Variants in KLF12 observed in about 807,000 individuals in gnomAD.
KLF12 encodes KLF transcription factor 12.
A neutral mutation model predicts 37.8 loss-of-function variants in KLF12; 9 were observed. The ratio of observed to expected loss-of-function variants is 0.24; its 90% CI spans 0.14 to 0.42. The LOEUF (loss-of-function observed/expected upper bound fraction) is 0.42, where lower values mean the gene tolerates loss of function less well. Ranked by LOEUF, KLF12 falls within the 10% of genes least tolerant of loss-of-function variation. KLF12 has a pLI of 1.00. For missense variants in KLF12, 411 were observed against 516.0 expected (o/e 0.80, Z 1.97); for synonymous variants, 208 against 202.1 (o/e 1.03, Z -0.25).
At chr13:74,223,005 A>G in the KLF12 span, among the ~76,000 whole-genome samples, 1 of 152,204 alleles carries the variant, frequency 6.6e-6, no homozygotes, top group Admixed American at 6.5e-5. Flanking sequence ...TGTTGATTTA[A>G]AAAACAAAGT....
chr13:74,120,615 A>G (rs965679130), intron 1 of KLF12, among the ~76,000 whole-genome samples: 2 of 152,126 alleles, frequency 1.3e-5, no homozygotes, highest in Admixed American at 1.3e-4. Context: ...ATGAGCAAGA[A>G]TTTTAAAACA....
chr13:74,121,727 G>A (rs905562683), intron 1 of KLF12, among the ~76,000 whole-genome samples: 1 of 151,880 alleles, frequency 6.6e-6, no homozygotes, highest in Admixed American at 6.6e-5. Flanking sequence ...TCCCAGGAGA[G>A]GTGTGATGAT....
At chr13:74,088,793 T>C (rs1218862790) in intron 1 of KLF12, among the ~76,000 whole-genome samples, 1 of 152,238 alleles carries the variant, frequency 6.6e-6, no homozygotes, top group African/African-American at 2.4e-5. Context: ...TTTACAGGGC[T>C]TTCATGATGA....
At chr13:73,712,200 T>C (rs1875453138) in intron 7 of KLF12, among the ~76,000 whole-genome samples, 1 of 151,820 alleles carries the variant, frequency 6.6e-6, no homozygotes. Context: ...TAGCCAGGCA[T>C]GGTGGCACAT....
intron 3 of KLF12, among the ~76,000 whole-genome samples, chr13:73,886,067 CA>C (rs757610953): frequency 6.6e-6 from 1 of 152,036 alleles, no homozygotes; most frequent in East Asian, 1.9e-4. Context: ...AGGTCAGAAT[CA>C]AGGGACATGA....
chr13:74,089,803 G>GAAAAAA (rs35244601), intron 1 of KLF12, among the ~76,000 whole-genome samples: 1 of 117,782 alleles, frequency 8.5e-6, no homozygotes, highest in African/African-American at 3.3e-5. Flanking sequence ...CATGCAGGGG[G>GAAAAAA]AAAAAAAAAA....
chr13:74,250,769 A>T, the KLF12 span, among the ~76,000 whole-genome samples: 1 of 152,140 alleles, frequency 6.6e-6, no homozygotes, highest in African/African-American at 2.4e-5. Context: ...ATAAAAATGA[A>T]CTCAGCATTG....
At chr13:73,903,868 T>C (rs1036537096) in intron 3 of KLF12, among the ~76,000 whole-genome samples, 1 of 152,252 alleles carries the variant, frequency 6.6e-6, no homozygotes, top group South Asian at 2.1e-4. Context: ...GTGAGGGATC[T>C]AGGTTGCATG....
In KLF12 at chr13:73,744,393, T is replaced by C. The variant is rs571677220; in HGVS notation, c.869+20545A>G. On this transcript the variant is annotated intron_variant, in intron 6 of 7. Transcript: ENST00000377669. ...TGGTTGTGAATTTCTCATGAGGGCA[T>C]GGATGAAAGGGCGTTTTGAAAGGGT... Among the ~76,000 whole-genome samples, 3 of 152,254 alleles carry C rather than the reference T, an allele frequency of 2.0e-5. No individual in the cohort carries two copies. In the East Asian group the frequency reaches 5.8e-4, roughly 29 times the overall value.
the KLF12 span, among the ~76,000 whole-genome samples, chr13:74,145,480 A>G: frequency 6.6e-6 from 1 of 152,150 alleles, no homozygotes; most frequent in African/African-American, 2.4e-5. Flanking sequence ...CCGCTGAGAT[A>G]AGAAACATAT....
the KLF12 span, among the ~76,000 whole-genome samples, chr13:74,265,995 T>A: frequency 6.6e-6 from 1 of 152,192 alleles, no homozygotes; most frequent in African/African-American, 2.4e-5. Context: ...CAGATGGGTC[T>A]TGGAGAATGA....
chr13:74,075,736 G>T (rs150416893), intron 1 of KLF12, among the ~76,000 whole-genome samples: 2 of 151,856 alleles, frequency 1.3e-5, no homozygotes, highest in Non-Finnish European at 2.9e-5. Flanking sequence ...TTGTTTCTCT[G>T]ACTACACACA....
At chr13:73,722,185 A>T (rs1876315527) in intron 6 of KLF12, among the ~76,000 whole-genome samples, 1 of 152,184 alleles carries the variant, frequency 6.6e-6, no homozygotes, top group Admixed American at 6.5e-5. Flanking sequence ...AGGTAGAATG[A>T]CTTCTTTGTT....
At chr13:73,975,910 G>A (rs1047923657) in intron 2 of KLF12, among the ~76,000 whole-genome samples, 7 of 152,090 alleles carry the variant, frequency 4.6e-5, no homozygotes, top group Non-Finnish European at 1.0e-4. Context: ...TAGGTTGGGC[G>A]ATCCCGCTAT....
chr13:74,084,562 G>A (rs1157714969), intron 1 of KLF12, among the ~76,000 whole-genome samples: 1 of 152,198 alleles, frequency 6.6e-6, no homozygotes, highest in African/African-American at 2.4e-5. Context: ...TGAGTAGTTT[G>A]TGGGAACACT....
chr13:74,145,239 G>A, the KLF12 span, among the ~76,000 whole-genome samples: 2 of 152,162 alleles, frequency 1.3e-5, no homozygotes, highest in African/African-American at 4.8e-5. Context: ...GTGCTATGCA[G>A]TCCATCACTA....
chr13:74,170,431 A>T, the KLF12 span, among the ~76,000 whole-genome samples: 1 of 152,212 alleles, frequency 6.6e-6, no homozygotes, highest in East Asian at 1.9e-4. Flanking sequence ...CAACTTCTTT[A>T]AGAATACAAT....
chr13:73,800,057 C>T (rs1882203878), intron 5 of KLF12: 1 of 151,994 alleles, frequency 6.6e-6, no homozygotes, highest in Admixed American at 6.6e-5. Context: ...GACACAATAG[C>T]TGATTATATT....
chr13:74,276,029 C>T, the KLF12 span, among the ~76,000 whole-genome samples: 2 of 151,188 alleles, frequency 1.3e-5, no homozygotes, highest in Non-Finnish European at 2.9e-5. Context: ...CTTACATAGG[C>T]ATACATATGC....
Sources: gnomAD v4.1 joint callset for allele counts (sites outside exome capture counted in the v4.1 genomes callset) on GRCh38, gnomAD v4.1.1 for gene constraint, MANE v1.5 for transcripts, NCBI Gene and HGNC (gene_info 2026-07-23, HGNC 2026-07-21) for gene names.